Variants in ZBTB20 observed in about 807,000 individuals in gnomAD.
The protein encoded by ZBTB20 is zinc finger and BTB domain-containing protein 20.
In ZBTB20, 9 loss-of-function variants were observed where a neutral mutation model predicts 56.9. The observed-to-expected ratio is 0.16, with a 90% CI of 0.10 to 0.28. The LOEUF is 0.28. Among genes scored for constraint, ZBTB20 ranks in the 10% least tolerant of loss-of-function variants. The pLI is 1.00. For missense variants in ZBTB20, 655 were observed against 1,003.0 expected (o/e 0.65, Z 4.69); for synonymous variants, 417 against 420.7 (o/e 0.99, Z 0.11).
intron 7 of ZBTB20, among the ~76,000 whole-genome samples, chr3:114,412,970 C>T (rs111274832): frequency 0.027 from 4,107 of 152,136 alleles, 74 homozygotes; most frequent in South Asian, 0.06. Context: ...TGCAGTCACA[C>T]TAAGATCATT....
intron 7 of ZBTB20, among the ~76,000 whole-genome samples, chr3:114,406,212 A>G (rs1362992253): frequency 6.6e-6 from 1 of 152,190 alleles, no homozygotes; most frequent in African/African-American, 2.4e-5. Context: ...TTATATGACC[A>G]TGGCATTGCC....
At chr3:114,727,871 C>G (rs1219279368) in intron 5 of ZBTB20, among the ~76,000 whole-genome samples, 1 of 151,728 alleles carries the variant, frequency 6.6e-6, no homozygotes, top group Admixed American at 6.6e-5. Context: ...ACCACAAATA[C>G]AACAGAAATA....
chr3:114,547,802 C>G (rs1577455420), intron 6 of ZBTB20, among the ~76,000 whole-genome samples: 1 of 151,996 alleles, frequency 6.6e-6, no homozygotes, highest in Admixed American at 6.6e-5. Flanking sequence ...AATAAGAAAA[C>G]ATAAAAAAGT....
chr3:115,090,183 G>C (rs1360765414), intron 1 of ZBTB20, among the ~76,000 whole-genome samples: 4 of 151,624 alleles, frequency 2.6e-5, no homozygotes, highest in African/African-American at 9.7e-5. Context: ...AACTAAAGTC[G>C]AGTTTTCTGA....
chr3:114,500,097 C>T (rs2043771712), intron 7 of ZBTB20, among the ~76,000 whole-genome samples: 1 of 152,138 alleles, frequency 6.6e-6, no homozygotes, highest in Admixed American at 6.5e-5. Flanking sequence ...CTTTTGCAAA[C>T]AGCAGCTGCA....
chr3:114,818,165 TA>T (rs141159507), intron 4 of ZBTB20, among the ~76,000 whole-genome samples: 2,496 of 152,298 alleles, frequency 0.016, 74 homozygotes, highest in African/African-American at 0.056. Context: ...TGAGGCATTA[TA>T]AACTTTTATG....
Position 115,066,076 on chromosome 3 carries a change from A to T in ZBTB20, c.-507+5143T>A, listed in dbSNP as rs185334149. ...CTCTCCCATGAAACTCATTCCCCTT[A>T]TTCAGCTTCAGCATAACACACTTAT... On this transcript the variant is annotated intron_variant, in intron 2 of 11. Transcript: ENST00000675478. 4.6e-5 allele frequency among the ~76,000 whole-genome samples: 7 copies of T among 152,276 alleles called. No homozygotes were observed. In the East Asian group the frequency reaches 1.4e-3, roughly 29 times the overall value.
In ZBTB20 at chr3:114,486,980, G is replaced by GA. The variant is rs376427705; in HGVS notation, c.-255+13371dup. ...ATGTAAAAGAAGAACCCTGATAAAA[G>GA]AAAAAAAACTCTTAATTTTATCACT... On this transcript the variant is annotated intron_variant, in intron 7 of 11. Transcript: ENST00000675478. Among the ~76,000 whole-genome samples the GA allele has an allele frequency of 2.2e-4, 33 of 151,756 alleles. No individual in the cohort carries two copies. The East Asian group carries it at 3.3e-3, about 15-fold the overall frequency.
rs577081161 is a variant in ZBTB20 at position 114,465,737 on chromosome 3, G to C, written c.-255+34615C>G. 2.0e-5 allele frequency among the ~76,000 whole-genome samples: 3 copies of C among 151,718 alleles called. No individual in the cohort carries two copies. The South Asian group carries it at 6.3e-4, about 32-fold the overall frequency. ...AAAAAAAGAAAGAAAGAAAAGAAAG[G>C]GATAGGAATCACCAAAAGAAGGAGG... On this transcript the variant is annotated intron_variant, in intron 7 of 11. Transcript: ENST00000675478.
chr3:115,001,932 A>G (rs931746013), intron 2 of ZBTB20, among the ~76,000 whole-genome samples: 2 of 151,516 alleles, frequency 1.3e-5, no homozygotes, highest in Non-Finnish European at 3.0e-5. Context: ...AAGATCTAGA[A>G]TAGGAAACAC....
At chr3:114,622,304 CT>C (rs1337752476) in intron 6 of ZBTB20, among the ~76,000 whole-genome samples, 1 of 151,936 alleles carries the variant, frequency 6.6e-6, no homozygotes, top group African/African-American at 2.4e-5. Context: ...TCCCTTTCAA[CT>C]TTTTTTCTTT....
intron 5 of ZBTB20, among the ~76,000 whole-genome samples, chr3:114,761,744 G>A (rs1316027308): frequency 1.3e-5 from 2 of 151,430 alleles, no homozygotes; most frequent in Non-Finnish European, 2.9e-5. Context: ...TGAGGTAGGA[G>A]AATCGCCTGA....
chr3:114,934,066 C>T (rs1464242354), intron 3 of ZBTB20, among the ~76,000 whole-genome samples: 8 of 152,160 alleles, frequency 5.3e-5, no homozygotes, highest in Admixed American at 4.6e-4. Flanking sequence ...AATACCCCAC[C>T]TTAGAATACA....
In ZBTB20 at chr3:114,381,720, A is replaced by G. The variant is rs535074569; in HGVS notation, c.-153-780T>C. Among the ~76,000 whole-genome samples, 14 of 152,344 alleles carry G rather than the reference A, an allele frequency of 9.2e-5. No individual in the cohort carries two copies. In the South Asian group the frequency reaches 2.9e-3, roughly 32 times the overall value. On this transcript the variant is annotated intron_variant, in intron 8 of 11. Coordinates refer to ENST00000675478, the MANE Select transcript of ZBTB20 (RefSeq NM_001348800.3). ...TAAATTTGTTGTGCTGGGTAGTTAA[A>G]TCTGCCCTCGCAGAATATGGTGTTA...
At chr3:115,065,323 G>A (rs912215811) in intron 2 of ZBTB20, among the ~76,000 whole-genome samples, 3 of 152,062 alleles carry the variant, frequency 2.0e-5, no homozygotes, top group Non-Finnish European at 4.4e-5. Flanking sequence ...TTCAGCTACT[G>A]TTTTCTACAG....
At chr3:114,964,534 T>A (rs1245659688) in intron 3 of ZBTB20, among the ~76,000 whole-genome samples, 1 of 152,230 alleles carries the variant, frequency 6.6e-6, no homozygotes, top group African/African-American at 2.4e-5. Flanking sequence ...ATAAGGCCTC[T>A]GCTGGTGAAA....
chr3:115,070,867 C>T (rs1039398957), intron 2 of ZBTB20, among the ~76,000 whole-genome samples: 3 of 151,482 alleles, frequency 2.0e-5, no homozygotes, highest in Admixed American at 6.6e-5. Flanking sequence ...AACTTTCTCC[C>T]TACTAGAGAA....
intron 1 of ZBTB20, among the ~76,000 whole-genome samples, chr3:115,076,099 T>C (rs933548656): frequency 1.3e-5 from 2 of 152,008 alleles, no homozygotes; most frequent in African/African-American, 4.8e-5. Context: ...CTACAAAACA[T>C]TGATGAAAGA....
chr3:114,477,307 T>C (rs1003701268), intron 7 of ZBTB20, among the ~76,000 whole-genome samples: 1 of 152,138 alleles, frequency 6.6e-6, no homozygotes, highest in Non-Finnish European at 1.5e-5. Flanking sequence ...CTGGGCTACA[T>C]GTTTGATGTG....
Sources: gnomAD v4.1 joint callset for allele counts (sites outside exome capture counted in the v4.1 genomes callset) on GRCh38, gnomAD v4.1.1 for gene constraint, MANE v1.5 for transcripts, NCBI Gene and HGNC (gene_info 2026-07-23, HGNC 2026-07-21) for gene names.